COTL1: variants seen among roughly 807,000 people sequenced by gnomAD.
COTL1 encodes coactosin-like protein.
A neutral mutation model predicts 16.5 loss-of-function variants in COTL1; 15 were observed. The observed-to-expected ratio is 0.91, with a 90% CI of 0.61 to 1.40. The LOEUF is 1.40. Among genes scored for constraint, COTL1 ranks in the 40% most tolerant of loss-of-function variants. The pLI is 0.00. For missense variants in COTL1, 220 were observed against 201.5 expected, an observed-to-expected ratio of 1.09 and a Z score of -0.56; for synonymous variants, 112 against 85.3, an observed-to-expected ratio of 1.31 and a Z score of -1.73.
chr16:84,601,812 A>T (rs1490152420), intron 2 of COTL1, among the ~76,000 whole-genome samples: 5 of 152,218 alleles, frequency 3.3e-5, no homozygotes, highest in African/African-American at 1.2e-4. Flanking sequence ...AAGGACAAAG[A>T]GGGTTCTTGT....
At chr16:84,591,184 ATT>A (rs561534827) in intron 2 of COTL1, among the ~76,000 whole-genome samples, 1,980 of 139,508 alleles carry the variant, frequency 0.014, 38 homozygotes, top group African/African-American at 0.049. Context: ...ATATTCTGGA[ATT>A]TTTTTTTTTT....
chr16:84,604,582 G>A (rs971000558), intron 2 of COTL1, among the ~76,000 whole-genome samples: 1 of 151,976 alleles, frequency 6.6e-6, no homozygotes, highest in African/African-American at 2.4e-5. Flanking sequence ...GGGGATGAGT[G>A]ACCAAAGTCA....
chr16:84,602,660 G>A (rs948406856), intron 2 of COTL1, among the ~76,000 whole-genome samples: 21 of 152,222 alleles, frequency 1.4e-4, no homozygotes, highest in Middle Eastern at 3.4e-3. Context: ...TTCGAGACCA[G>A]CCTGGCCAAC....
At position 84,585,605 on chromosome 16, in the gene COTL1, G is replaced by C. The variant is rs137894988; in HGVS notation, c.318+4500C>G. On this transcript the variant is annotated intron_variant, in intron 3 of 3. Coordinates refer to ENST00000262428, the MANE Select transcript of COTL1 (RefSeq NM_021149.5). ...CCTGGTCCCCAAGACATGGCACCCGGAATGGGCCCATCTGGAAGGTCCCTT... is the reference window on the plus strand; with the variant it reads ...CCTGGTCCCCAAGACATGGCACCCGCAATGGGCCCATCTGGAAGGTCCCTT... Among the ~76,000 whole-genome samples, 8 of 152,274 alleles carry C rather than the reference G, an allele frequency of 5.3e-5. No individual in the cohort carries two copies. The East Asian group carries it at 1.5e-3, about 29-fold the overall frequency.
Position 84,589,311 on chromosome 16 carries a change from A to G in COTL1, c.318+794T>C, listed in dbSNP as rs573367949. Among the ~76,000 whole-genome samples the G allele has an allele frequency of 2.0e-5, 3 of 152,272 alleles. No homozygotes were observed. The South Asian group carries it at 6.2e-4, about 32-fold the overall frequency. Reference sequence around the variant, plus strand: ...TTTTTAAACGTTTGTTTTATCATGGACCAATTACATTGCTTTGAATCTTTA... The same window carrying G: ...TTTTTAAACGTTTGTTTTATCATGGGCCAATTACATTGCTTTGAATCTTTA... On this transcript the variant is annotated intron_variant, in intron 3 of 3. Coordinates refer to ENST00000262428, the MANE Select transcript of COTL1 (RefSeq NM_021149.5).
At chr16:84,586,060 T>C (rs934878842) in intron 3 of COTL1, among the ~76,000 whole-genome samples, 9 of 152,152 alleles carry the variant, frequency 5.9e-5, no homozygotes, top group African/African-American at 2.2e-4. Context: ...TCTTAAGAGA[T>C]TGACGGACAC....
At chr16:84,607,553 C>A (rs1905238668) in intron 2 of COTL1, among the ~76,000 whole-genome samples, 1 of 152,176 alleles carries the variant, frequency 6.6e-6, no homozygotes, top group African/African-American at 2.4e-5. Flanking sequence ...CTAACACACG[C>A]AGAGCTCCTA....
rs1053006921 is a variant in COTL1 at position 84,617,867 on chromosome 16, C to T, written c.48G>A (p.Leu16=). ...DKEACRAAYN[L]VRDDGSAVIW... Reference sequence around the variant, plus strand: ...TGACGGCCGAGCCGTCGTCGCGCACCAGGTTGTACGCCGCCCGGCAAGCCT... The same window carrying T: ...TGACGGCCGAGCCGTCGTCGCGCACTAGGTTGTACGCCGCCCGGCAAGCCT... The change falls in exon 1 of 4, where the codon CTG becomes CTA. Residue 16 remains leucine (L), a synonymous_variant. Transcript: ENST00000262428. 15 of 1,576,918 alleles carry T rather than the reference C, an allele frequency of 9.5e-6. No individual in the cohort carries two copies. The highest frequency in any genetic ancestry group is 1.3e-5 in the Non-Finnish European group (15 of 1,162,528).
At chr16:84,588,556 G>A (rs1904787644) in intron 3 of COTL1, among the ~76,000 whole-genome samples, 1 of 152,082 alleles carries the variant, frequency 6.6e-6, no homozygotes, top group Non-Finnish European at 1.5e-5. Flanking sequence ...CACTCACTCA[G>A]TCTGAGTGCA....
intron 2 of COTL1, among the ~76,000 whole-genome samples, chr16:84,592,206 C>T (rs1047771668): frequency 6.6e-6 from 1 of 152,238 alleles, no homozygotes; most frequent in Admixed American, 6.5e-5. Flanking sequence ...TGTTTTCCAA[C>T]AAAGTTCTGT....
chr16:84,603,980 A>T (rs1043243798), intron 2 of COTL1, among the ~76,000 whole-genome samples: 1 of 4,694 alleles, frequency 2.1e-4, no homozygotes, highest in Non-Finnish European at 4.3e-4. Flanking sequence ...CTCCCCACCC[A>T]CCTCCCTCCC....
intron 3 of COTL1, among the ~76,000 whole-genome samples, chr16:84,584,367 T>C (rs576998427): frequency 6.6e-6 from 1 of 152,346 alleles, no homozygotes; most frequent in African/African-American, 2.4e-5. Context: ...TTAAAGAGGA[T>C]CAGAGTTGAA....
At chr16:84,601,150 T>TTATA (rs1204660984) in intron 2 of COTL1, among the ~76,000 whole-genome samples, 1 of 152,140 alleles carries the variant, frequency 6.6e-6, no homozygotes, top group East Asian at 1.9e-4. Flanking sequence ...ACACACTGCT[T>TTATA]TATACTCTTG....
At chr16:84,596,733 C>G (rs1196553775) in intron 2 of COTL1, 8 of 152,758 alleles carry the variant, frequency 5.2e-5, no homozygotes, top group Admixed American at 5.2e-4. Flanking sequence ...CACACACTCC[C>G]CAGGGTTCCA....
intron 2 of COTL1, among the ~76,000 whole-genome samples, chr16:84,603,654 G>T (rs1905148442): frequency 6.6e-6 from 1 of 152,124 alleles, no homozygotes; most frequent in African/African-American, 2.4e-5. Context: ...AGACTATGAA[G>T]CGAATGGAGG....
intron 2 of COTL1, among the ~76,000 whole-genome samples, chr16:84,603,870 C>T (rs1431759738): frequency 2.6e-5 from 4 of 151,962 alleles, no homozygotes; most frequent in South Asian, 4.1e-4. Flanking sequence ...GAATAAAATG[C>T]GCACTGCTCC....
chr16:84,618,018 G>A lies in COTL1; in HGVS notation c.-104C>T, dbSNP rs1206538632. The A allele has an allele frequency of 2.2e-5, 13 of 600,482 alleles. No individual in the cohort carries two copies. Among genetic ancestry groups the A allele is most frequent in the African/African-American group, 6.0e-5 (3 of 50,034 alleles). 37.2% of individuals were successfully genotyped at this position (600,482 alleles called of 1,614,324 possible). On this transcript the variant is annotated 5_prime_UTR_variant, in exon 1 of 4. Transcript: ENST00000262428. ...GGTACGCGCCGAGGGCGCACGGGCT[G>A]GCGGCGGTGGCGACGGCTACGCGGC...
intron 3 of COTL1, among the ~76,000 whole-genome samples, chr16:84,588,911 A>G (rs1904795927): frequency 6.6e-6 from 1 of 152,148 alleles, no homozygotes; most frequent in Non-Finnish European, 1.5e-5. Context: ...CATGACCTCA[A>G]AAAGAAACCC....
intron 2 of COTL1, among the ~76,000 whole-genome samples, chr16:84,611,569 G>C (rs937661823): frequency 4.6e-5 from 7 of 152,328 alleles, no homozygotes; most frequent in African/African-American, 1.7e-4. Context: ...ACGAGGACAG[G>C]CGCCTTTTCT....
Sources: allele counts gnomAD v4.1 joint callset (sites outside exome capture counted in the v4.1 genomes callset), GRCh38; gene constraint gnomAD v4.1.1; transcripts MANE v1.5; gene names NCBI Gene and HGNC (gene_info 2026-07-23, HGNC 2026-07-21).